HAVCR2: variants seen among roughly 807,000 people sequenced by gnomAD.
HAVCR2 encodes hepatitis A virus cellular receptor 2, also known as T cell immunoglobulin mucin 3.
Under a neutral mutation model 24.7 loss-of-function variants are expected in HAVCR2, and 13 were observed. The ratio of observed to expected loss-of-function variants is 0.53; its 90% CI spans 0.34 to 0.84. The LOEUF (loss-of-function observed/expected upper bound fraction) is 0.84. Among genes scored for constraint, HAVCR2 ranks in the 40% least tolerant of loss-of-function variants. The pLI is 0.01. For missense variants in HAVCR2, 343 were observed against 371.2 expected, an observed-to-expected ratio of 0.92 and a Z score of 0.62; for synonymous variants, 154 against 143.4, an observed-to-expected ratio of 1.07 and a Z score of -0.53.
Position 157,104,721 on chromosome 5 carries a change from C to T in HAVCR2, c.423G>A (p.Gln141=). 1 of 1,604,662 alleles carries T rather than the reference C, an allele frequency of 6.2e-7. No individual in the cohort carries two copies. Among genetic ancestry groups the T allele is most frequent in the Non-Finnish European group, 8.5e-7 (1 of 1,175,002 alleles). ...TTGGAAAGGCTGCAGTGAAGTCTCT[C>T]TGCCGAGTCGGTGCAGGGGTGACCT... is the stretch of plus-strand genomic sequence containing the variant. ...PAKVTPAPTR[Q]RDFTAAFPRM... is the part of the protein sequence containing the mutation. The change falls in exon 3 of 7, where the codon CAG becomes CAA. Residue 141 remains glutamine (Q), a synonymous_variant. Transcript: ENST00000307851.
chr5:157,090,295 A>C (rs1756979513), intron 5 of HAVCR2, among the ~76,000 whole-genome samples: 1 of 151,032 alleles, frequency 6.6e-6, no homozygotes, highest in South Asian at 2.1e-4. Flanking sequence ...CAGCTGGATA[A>C]TTTTTTTTAA....
At chr5:157,093,722 G>A (rs1003086784) in intron 5 of HAVCR2, among the ~76,000 whole-genome samples, 1 of 152,144 alleles carries the variant, frequency 6.6e-6, no homozygotes, top group Non-Finnish European at 1.5e-5. Flanking sequence ...CGAGGTGGAC[G>A]GATCACAAGG....
chr5:157,087,187 A>G lies in HAVCR2; in HGVS notation c.821T>C (p.Val274Ala). 2 of 1,614,076 alleles carry G rather than the reference A, an allele frequency of 1.2e-6. No individual in the cohort carries two copies. The highest frequency in any genetic ancestry group is 8.5e-7 in the Non-Finnish European group (1 of 1,179,990). ...IYTIEENVYEVEEPNEYYCYV... is the reference protein window; with the variant it reads ...IYTIEENVYEAEEPNEYYCYV... ...GCAATAATACTCATTGGGCTCCTCCACTTCATATACGTTCTCTTCAATGGT... is the reference window on the plus strand; with the variant it reads ...GCAATAATACTCATTGGGCTCCTCCGCTTCATATACGTTCTCTTCAATGGT... Residue 274 changes from valine (V) to alanine (A), a missense_variant, in exon 7 of 7, where the codon GTG (valine) becomes GCG (alanine). Val to Ala is a moderately conservative substitution (Grantham distance 64). Coordinates refer to ENST00000307851, the MANE Select transcript of HAVCR2 (RefSeq NM_032782.5).
intron 5 of HAVCR2, among the ~76,000 whole-genome samples, chr5:157,094,602 C>T (rs375143263): frequency 7.2e-5 from 11 of 151,754 alleles, no homozygotes; most frequent in Middle Eastern, 3.4e-3. Context: ...AAGCTGGTCT[C>T]GAACTCCTGA....
intron 2 of HAVCR2, 183 bp downstream of exon 2, chr5:157,106,444 T>C (rs990800808): frequency 1.6e-6 from 1 of 606,706 alleles, no homozygotes; most frequent in Admixed American, 2.9e-5. Flanking sequence ...CCATGAGTTT[T>C]AAAACAGAGA....
intron 1 of HAVCR2, chr5:157,107,285 C>T (rs1672222528): frequency 3.8e-6 from 1 of 264,848 alleles, no homozygotes; most frequent in Non-Finnish European, 7.2e-6. Context: ...TTCAGAAACA[C>T]TGCCCTAGGA....
At chr5:157,089,599 A>T (rs1756965729) in intron 5 of HAVCR2, among the ~76,000 whole-genome samples, 1 of 152,210 alleles carries the variant, frequency 6.6e-6, no homozygotes. Context: ...ATTTCAAATT[A>T]TGATGTATTA....
At chr5:157,102,610 T>C (rs1364292429) in intron 3 of HAVCR2, among the ~76,000 whole-genome samples, 1 of 152,116 alleles carries the variant, frequency 6.6e-6, no homozygotes, top group Non-Finnish European at 1.5e-5. Flanking sequence ...CCCATTTTTG[T>C]TGCCCTAGAG....
chr5:157,104,885 C>T (rs1757224111), intron 2 of HAVCR2, 136 bp from the exon 3 acceptor site: 1 of 578,710 alleles, frequency 1.7e-6, no homozygotes, highest in Admixed American at 2.6e-5. Context: ...CCAAACCTGC[C>T]TGGATACCTA....
At chr5:157,101,445 G>A (rs2062834448) in intron 3 of HAVCR2, among the ~76,000 whole-genome samples, 1 of 152,216 alleles carries the variant, frequency 6.6e-6, no homozygotes, top group Non-Finnish European at 1.5e-5. Flanking sequence ...TATAAATTTA[G>A]TAGTTACCAT....
intron 3 of HAVCR2, among the ~76,000 whole-genome samples, chr5:157,100,446 C>A (rs1436468530): frequency 2.0e-5 from 3 of 152,192 alleles, no homozygotes; most frequent in Admixed American, 6.5e-5. Flanking sequence ...ATCTGCTGAT[C>A]CATTCCATGA....
intron 5 of HAVCR2, 122 bp downstream of exon 5, chr5:157,095,184 C>A: frequency 1.9e-6 from 2 of 1,037,818 alleles, no homozygotes; most frequent in South Asian, 1.7e-5. Flanking sequence ...TTTGGATGGA[C>A]AAAAGGGTAT....
intron 4 of HAVCR2, among the ~76,000 whole-genome samples, chr5:157,098,249 A>C (rs1757121428): frequency 6.6e-6 from 1 of 151,998 alleles, no homozygotes; most frequent in African/African-American, 2.4e-5. Flanking sequence ...TCTACTAAAA[A>C]TAAAAAAATT....
intron 3 of HAVCR2, among the ~76,000 whole-genome samples, chr5:157,102,688 G>T (rs904596397): frequency 6.6e-6 from 1 of 151,414 alleles, no homozygotes; most frequent in Admixed American, 6.6e-5. Flanking sequence ...TAATCCCAGC[G>T]CTTTGGGAGG....
chr5:157,094,209 A>ATTC (rs1354007591), intron 5 of HAVCR2, among the ~76,000 whole-genome samples: 1 of 150,690 alleles, frequency 6.6e-6, no homozygotes, highest in East Asian at 2.0e-4. Context: ...CATTATTATT[A>ATTC]TTATTACGTT....
Position 157,106,892 on chromosome 5 carries a change from G to T in HAVCR2, c.129C>A (p.Ala43=). Residue 43 remains alanine (A), a synonymous_variant, in exon 2 of 7, where the codon GCC becomes GCA. Transcript: ENST00000307851. Reference sequence around the variant, plus strand: ...AGACGGGCACGAGGTTCCCTGGGGCGGCTGGGGTGTAGAAGCAGGGCAGAT... The same window carrying T: ...AGACGGGCACGAGGTTCCCTGGGGCTGCTGGGGTGTAGAAGCAGGGCAGAT... ...NAYLPCFYTP[A]APGNLVPVCW... 2 of 1,614,184 alleles carry T rather than the reference G, an allele frequency of 1.2e-6. No homozygotes were observed. Among genetic ancestry groups the T allele is most frequent in the Non-Finnish European group, 1.7e-6 (2 of 1,180,026 alleles).
intron 6 of HAVCR2, 90 bp from the exon 7 acceptor site, chr5:157,087,384 A>T: frequency 9.3e-7 from 1 of 1,076,632 alleles, no homozygotes; most frequent in Non-Finnish European, 1.3e-6. Context: ...AAGAGACAGC[A>T]ACTAAATATA....
chr5:157,105,217 A>G (rs1757229296), intron 2 of HAVCR2, among the ~76,000 whole-genome samples: 1 of 152,004 alleles, frequency 6.6e-6, no homozygotes, highest in African/African-American at 2.4e-5. Flanking sequence ...GGCATGTGCA[A>G]CCACACCTGG....
chr5:157,098,245 A>G (rs1581759447), intron 4 of HAVCR2, among the ~76,000 whole-genome samples: 1 of 151,988 alleles, frequency 6.6e-6, no homozygotes, highest in Admixed American at 6.6e-5. Context: ...CGTCTCTACT[A>G]AAAATAAAAA....
Sources: gnomAD v4.1 joint callset for allele counts (sites outside exome capture counted in the v4.1 genomes callset) on GRCh38, gnomAD v4.1.1 for gene constraint, MANE v1.5 for transcripts, NCBI Gene and HGNC (gene_info 2026-07-23, HGNC 2026-07-21) for gene names.